Variants in MAGI2 observed in about 807,000 individuals in gnomAD.
MAGI2 encodes the protein membrane-associated guanylate kinase, WW and PDZ domain-containing protein 2.
MAGI2 carries 35 observed loss-of-function variants against 133.3 expected under a neutral mutation model. The observed-to-expected ratio is 0.26, with a 90% CI of 0.20 to 0.35. The LOEUF (loss-of-function observed/expected upper bound fraction) is 0.35. MAGI2 is among the 10% of genes least tolerant of loss of function. The pLI is 1.00. For missense variants in MAGI2, 1,636 were observed against 1,863.4 expected (o/e 0.88, Z 2.25); for synonymous variants, 729 against 710.6 (o/e 1.03, Z -0.41).
chr7:78,634,022 G>A (rs1008361002), intron 2 of MAGI2, among the ~76,000 whole-genome samples: 3 of 152,050 alleles, frequency 2.0e-5, no homozygotes, highest in African/African-American at 7.2e-5. Context: ...CTTACTTTTG[G>A]AGTGTATTAT....
Position 78,160,222 on chromosome 7 carries a change from T to C in MAGI2, c.2648A>G (p.His883Arg). 6.2e-7 allele frequency: 1 copy of C among 1,611,410 alleles called. No individual in the cohort carries two copies. Among genetic ancestry groups the C allele is most frequent in the Non-Finnish European group, 8.5e-7 (1 of 1,178,608 alleles). ...TGCGTAGTCACTGCGTGGAGAGCTG[T>C]GGTGGGTGGATACAGAGCCTGGACT... ...GRSPGSVSTH[H>R]SSPRSDYATY... Residue 883 changes from histidine (H) to arginine (R), a missense_variant, in exon 16 of 22, where the codon CAC (histidine) becomes CGC (arginine). Coordinates refer to ENST00000354212, the MANE Select transcript of MAGI2 (RefSeq NM_012301.4).
At chr7:78,557,097 A>AAAAAAAAAAAAGAAAG (rs1554473311) in intron 3 of MAGI2, among the ~76,000 whole-genome samples, 13 of 138,938 alleles carry the variant, frequency 9.4e-5, no homozygotes, top group African/African-American at 3.0e-4. Flanking sequence ...AAAAAAAAAA[A>AAAAAAAAAAAAGAAAG]AAAGAAAAAG....
intron 6 of MAGI2, among the ~76,000 whole-genome samples, chr7:78,392,017 C>A (rs908748820): frequency 2.0e-5 from 3 of 152,162 alleles, no homozygotes; most frequent in Admixed American, 2.0e-4. Context: ...GGCCAGACAT[C>A]GGCTCAGCTG....
At chr7:79,190,255 G>T (rs1225976398) in intron 1 of MAGI2, among the ~76,000 whole-genome samples, 1 of 151,842 alleles carries the variant, frequency 6.6e-6, no homozygotes, top group Non-Finnish European at 1.5e-5. Flanking sequence ...CAGTGGATGA[G>T]AATTTCTGTT....
At chr7:78,460,362 A>C (rs930823674) in intron 6 of MAGI2, among the ~76,000 whole-genome samples, 2 of 152,226 alleles carry the variant, frequency 1.3e-5, no homozygotes, top group Admixed American at 1.3e-4. Context: ...TGGTTACTAC[A>C]TTTGGTAAAA....
At chr7:78,939,124 G>A (rs1477052609) in intron 2 of MAGI2, among the ~76,000 whole-genome samples, 1 of 152,094 alleles carries the variant, frequency 6.6e-6, no homozygotes, top group Non-Finnish European at 1.5e-5. Context: ...CTCCCAAGTA[G>A]CTGGAACCAC....
At chr7:78,244,184 AAAAAAAAAAG>A (rs1178774055) in intron 10 of MAGI2, among the ~76,000 whole-genome samples, 66 of 149,832 alleles carry the variant, frequency 4.4e-4, no homozygotes, top group Middle Eastern at 3.4e-3. Context: ...AAAAAAAAAA[AAAAAAAAAAG>A]AAAAAGAAAT....
At chr7:78,620,806 A>C (rs981410468) in intron 3 of MAGI2, among the ~76,000 whole-genome samples, 7 of 152,056 alleles carry the variant, frequency 4.6e-5, no homozygotes, top group African/African-American at 1.7e-4. Flanking sequence ...TGACCTTTTC[A>C]ATAGATAGAA....
At chr7:79,242,738 C>A (rs1832514049) in intron 1 of MAGI2, among the ~76,000 whole-genome samples, 1 of 151,978 alleles carries the variant, frequency 6.6e-6, no homozygotes, top group Non-Finnish European at 1.5e-5. Context: ...TTTACATTGG[C>A]CAATAAGAGG....
intron 2 of MAGI2, among the ~76,000 whole-genome samples, chr7:78,970,176 C>G (rs1803668137): frequency 6.6e-6 from 1 of 151,690 alleles, no homozygotes; most frequent in Admixed American, 6.6e-5. Flanking sequence ...ATTATTAAAT[C>G]CTTGTAAGAA....
intron 1 of MAGI2, among the ~76,000 whole-genome samples, chr7:79,194,302 T>A (rs2129551420): frequency 6.6e-6 from 1 of 152,178 alleles, no homozygotes; most frequent in Non-Finnish European, 1.5e-5. Flanking sequence ...TCCTTTTGTT[T>A]TGTTTTAAAA....
intron 9 of MAGI2, among the ~76,000 whole-genome samples, chr7:78,321,478 C>A (rs1027103115): frequency 2.0e-5 from 3 of 152,046 alleles, no homozygotes; most frequent in African/African-American, 7.2e-5. Context: ...TATCTACAAC[C>A]ATCTGATCTT....
intron 1 of MAGI2, among the ~76,000 whole-genome samples, chr7:79,061,617 T>C (rs1813747147): frequency 6.6e-6 from 1 of 152,046 alleles, no homozygotes; most frequent in Non-Finnish European, 1.5e-5. Context: ...ATTAAAGAAA[T>C]TGAATTTATA....
chr7:79,013,667 TC>T, intron 1 of MAGI2, among the ~76,000 whole-genome samples: 1 of 152,150 alleles, frequency 6.6e-6, no homozygotes, highest in East Asian at 1.9e-4. Context: ...CAGCCTCCAT[TC>T]CCTTTTTAGG....
At chr7:79,431,132 G>A (rs1219270756) in intron 1 of MAGI2, among the ~76,000 whole-genome samples, 1 of 152,092 alleles carries the variant, frequency 6.6e-6, no homozygotes, top group Non-Finnish European at 1.5e-5. Flanking sequence ...TGCAACTCAA[G>A]TAATACTAAA....
chr7:79,408,050 T>C (rs1845924560), intron 1 of MAGI2, among the ~76,000 whole-genome samples: 1 of 152,110 alleles, frequency 6.6e-6, no homozygotes, highest in Non-Finnish European at 1.5e-5. Context: ...TTGGTACAGC[T>C]TCTCTGAGAT....
In MAGI2 at chr7:78,067,046, G is replaced by C. The variant is rs141846674; in HGVS notation, c.3706+11901C>G. On this transcript the variant is annotated intron_variant, in intron 21 of 21. Transcript: ENST00000354212. ...TGTGTTTGAGGAAAGGGAGAGTGCA[G>C]GCGGAGCCCTAACACCTCGAGGTTA... Among the ~76,000 whole-genome samples, 77 of 152,352 alleles carry C rather than the reference G, an allele frequency of 5.1e-4. 1 individual carries two copies. Among genetic ancestry groups the C allele is most frequent in the African/African-American group, 1.8e-3 (73 of 41,582 alleles).
At chr7:78,071,703 A>C (rs1814728249) in intron 21 of MAGI2, among the ~76,000 whole-genome samples, 1 of 152,198 alleles carries the variant, frequency 6.6e-6, no homozygotes, top group African/African-American at 2.4e-5. Context: ...ATGTAACCCA[A>C]GGTTCTGCCA....
At chr7:78,792,078 G>C (rs1473459546) in intron 2 of MAGI2, among the ~76,000 whole-genome samples, 1 of 152,058 alleles carries the variant, frequency 6.6e-6, no homozygotes, top group East Asian at 1.9e-4. Flanking sequence ...TAGTCATTAG[G>C]AATAAGCCTA....
Sources: allele counts gnomAD v4.1 joint callset (sites outside exome capture counted in the v4.1 genomes callset), GRCh38; gene constraint gnomAD v4.1.1; transcripts MANE v1.5; gene names NCBI Gene and HGNC (gene_info 2026-07-23, HGNC 2026-07-21).